The following KCNMB2 variants were observed in gnomAD, a reference collection of about 807,000 sequenced individuals.
KCNMB2 encodes the protein calcium-activated potassium channel subunit beta-2.
A neutral mutation model predicts 24.5 loss-of-function variants in KCNMB2; 9 were observed. The observed-to-expected ratio is 0.37, with a 90% CI of 0.22 to 0.64. The LOEUF (loss-of-function observed/expected upper bound fraction) is 0.64, where lower values mean the gene tolerates loss of function less well. Ranked by LOEUF, KCNMB2 falls within the 30% of genes least tolerant of loss-of-function variation. KCNMB2 has a pLI of 0.63. For missense variants in KCNMB2, 226 were observed against 284.3 expected, an observed-to-expected ratio of 0.79 and a Z score of 1.47; for synonymous variants, 109 against 104.4, an observed-to-expected ratio of 1.04 and a Z score of -0.27.
intron 1 of KCNMB2, among the ~76,000 whole-genome samples, chr3:178,704,465 C>T (rs1043475010): frequency 2.6e-5 from 4 of 152,086 alleles, no homozygotes; most frequent in African/African-American, 4.8e-5. Flanking sequence ...TTAAGAATTC[C>T]ATATTCCTGT....
rs191114498 is a variant in KCNMB2 at position 178,761,357 on chromosome 3, A to G, written c.-67-45986A>G. 2.0e-5 allele frequency among the ~76,000 whole-genome samples: 3 copies of G among 152,340 alleles called. No individual in the cohort carries two copies. The East Asian group carries it at 5.8e-4, about 29-fold the overall frequency. On this transcript the variant is annotated intron_variant, in intron 1 of 4. Coordinates refer to ENST00000452583, the MANE Select transcript of KCNMB2 (RefSeq NM_181361.3). ...ATAGAAATCCAATATTATTTTCTAA[A>G]GCACAGAAGAAATAAAATTATATTT...
chr3:178,754,772 G>A (rs1383127392), intron 1 of KCNMB2, among the ~76,000 whole-genome samples: 1 of 152,172 alleles, frequency 6.6e-6, no homozygotes, highest in African/African-American at 2.4e-5. Flanking sequence ...AACATCAGTG[G>A]GCTAGGAACT....
At chr3:178,728,241 T>G (rs1266481301) in intron 1 of KCNMB2, among the ~76,000 whole-genome samples, 1 of 152,152 alleles carries the variant, frequency 6.6e-6, no homozygotes, top group Non-Finnish European at 1.5e-5. Context: ...ATAATAAAGA[T>G]GGGTGGCTTC....
At chr3:178,702,653 T>C (rs1189905801) in intron 1 of KCNMB2, among the ~76,000 whole-genome samples, 1 of 152,090 alleles carries the variant, frequency 6.6e-6, no homozygotes, top group Admixed American at 6.6e-5. Context: ...ATAAATTTCA[T>C]CTAATGATTT....
rs114623185 is a variant in KCNMB2, at chr3:178,722,423, C to T, written c.-67-84920C>T. Reference sequence around the variant, plus strand: ...ACTGTTGGCATCTGGCACAGGCCTTCTTGCTGCATCATCCCATGGTGGAAG... The same window carrying T: ...ACTGTTGGCATCTGGCACAGGCCTTTTTGCTGCATCATCCCATGGTGGAAG... On this transcript the variant is annotated intron_variant, in intron 1 of 4. Transcript: ENST00000452583. Among the ~76,000 whole-genome samples, 985 of 152,332 alleles carry T rather than the reference C, an allele frequency of 6.5e-3. 10 individuals are homozygous for T. Among genetic ancestry groups the T allele is most frequent in the African/African-American group, 0.023 (945 of 41,584 alleles).
chr3:178,551,161 C>A (rs535257395), intron 1 of KCNMB2, among the ~76,000 whole-genome samples: 1 of 152,078 alleles, frequency 6.6e-6, no homozygotes, highest in Non-Finnish European at 1.5e-5. Flanking sequence ...GACAAAGGGC[C>A]GGTGAGGATG....
chr3:178,766,990 G>T (rs148450043), intron 1 of KCNMB2, among the ~76,000 whole-genome samples: 2 of 152,108 alleles, frequency 1.3e-5, no homozygotes, highest in South Asian at 4.1e-4. Context: ...TGCCCTCCAG[G>T]GGACATTTGG....
intron 1 of KCNMB2, among the ~76,000 whole-genome samples, chr3:178,559,748 T>A (rs777851977): frequency 8.7e-5 from 13 of 149,864 alleles, no homozygotes; most frequent in Non-Finnish European, 1.8e-4. Flanking sequence ...TTCATGAATC[T>A]CTAATATTCC....
At chr3:178,799,266 T>C (rs1464565885) in intron 1 of KCNMB2, among the ~76,000 whole-genome samples, 1 of 152,136 alleles carries the variant, frequency 6.6e-6, no homozygotes, top group East Asian at 1.9e-4. Context: ...TATATAATCT[T>C]ATACTTGGAA....
chr3:178,742,355 T>G (rs1252913423), intron 1 of KCNMB2, among the ~76,000 whole-genome samples: 1 of 152,224 alleles, frequency 6.6e-6, no homozygotes, highest in Non-Finnish European at 1.5e-5. Context: ...ACCCCTCTGA[T>G]CTGAGGCTTA....
At chr3:178,538,581 G>A (rs1048431161) in intron 1 of KCNMB2, among the ~76,000 whole-genome samples, 3 of 152,164 alleles carry the variant, frequency 2.0e-5, no homozygotes, top group African/African-American at 7.2e-5. Flanking sequence ...TACTTTAGAG[G>A]CAATTCGTGC....
chr3:178,704,400 T>C (rs750516514), intron 1 of KCNMB2, among the ~76,000 whole-genome samples: 3 of 152,130 alleles, frequency 2.0e-5, no homozygotes, highest in Non-Finnish European at 4.4e-5. Flanking sequence ...TAGATATCTG[T>C]CTAGATATGG....
intron 2 of KCNMB2, among the ~76,000 whole-genome samples, chr3:178,817,675 G>T (rs531208688): frequency 2.0e-5 from 3 of 152,276 alleles, no homozygotes; most frequent in African/African-American, 7.2e-5. Context: ...TGGAGAGTTT[G>T]ATTTTCTTCT....
At chr3:178,789,535 A>G (rs1713240572) in intron 1 of KCNMB2, among the ~76,000 whole-genome samples, 1 of 152,220 alleles carries the variant, frequency 6.6e-6, no homozygotes, top group African/African-American at 2.4e-5. Context: ...TGAATTGCCC[A>G]CACTGCCACT....
intron 1 of KCNMB2, among the ~76,000 whole-genome samples, chr3:178,548,739 T>C (rs1240601211): frequency 2.0e-5 from 3 of 152,254 alleles, no homozygotes; most frequent in African/African-American, 7.2e-5. Flanking sequence ...CTCCAATCTT[T>C]GAACTCCTTC....
At chr3:178,579,092 T>C (rs1717102968) in intron 1 of KCNMB2, among the ~76,000 whole-genome samples, 1 of 152,018 alleles carries the variant, frequency 6.6e-6, no homozygotes, top group South Asian at 2.1e-4. Flanking sequence ...AACCGCAACA[T>C]GCTTATTCTA....
chr3:178,759,532 CATATATCTCTCTCCAAGAGGATAT>C (rs1711611190), intron 1 of KCNMB2, among the ~76,000 whole-genome samples: 7 of 98,970 alleles, frequency 7.1e-5, no homozygotes, highest in South Asian at 3.2e-4. Flanking sequence ...GATATATATA[CATATATCTCTCTCCAAGAGGATAT>C]ATATATCTCT....
intron 1 of KCNMB2, among the ~76,000 whole-genome samples, chr3:178,612,784 G>C (rs753298130): frequency 6.6e-6 from 1 of 151,786 alleles, no homozygotes; most frequent in Non-Finnish European, 1.5e-5. Context: ...TTTGTTATTT[G>C]TTTTCTGGTT....
intron 1 of KCNMB2, among the ~76,000 whole-genome samples, chr3:178,737,267 TA>T (rs940691511): frequency 3.1e-4 from 45 of 146,454 alleles, no homozygotes; most frequent in East Asian, 3.9e-4. Flanking sequence ...AGATTCTGTT[TA>T]AAAAAAAAAA....
Sources: gnomAD v4.1 joint callset for allele counts (sites outside exome capture counted in the v4.1 genomes callset) on GRCh38, gnomAD v4.1.1 for gene constraint, MANE v1.5 for transcripts, NCBI Gene and HGNC (gene_info 2026-07-23, HGNC 2026-07-21) for gene names.